MYO18A: variants seen among roughly 807,000 people sequenced by gnomAD.
The protein encoded by MYO18A is unconventional myosin-XVIIIa.
In MYO18A, 78 loss-of-function variants were observed where a neutral mutation model predicts 235.8. That is an observed-to-expected ratio of 0.33 (90% CI 0.28 to 0.40). The LOEUF is 0.40. MYO18A is among the 10% of genes least tolerant of loss of function. MYO18A has a pLI of 1.00. For synonymous variants in MYO18A, 977 were observed against 1,077.8 expected, an observed-to-expected ratio of 0.91 and a Z score of 1.83; for missense variants, 2,215 against 2,699.3, an observed-to-expected ratio of 0.82 and a Z score of 3.98.
chr17:29,119,523 T>G, intron 7 of MYO18A, 88 bp from the exon 8 acceptor site: 4 of 853,384 alleles, frequency 4.7e-6, no homozygotes, highest in Non-Finnish European at 7.1e-6. Context: ...AAACACATGG[T>G]CCTCTAGGCC....
At chr17:29,137,660 C>T (rs547533773) in intron 2 of MYO18A, among the ~76,000 whole-genome samples, 2 of 152,222 alleles carry the variant, frequency 1.3e-5, no homozygotes, top group East Asian at 3.9e-4. Context: ...GGAAAGAGCC[C>T]AAATGCCTAG....
chr17:29,113,739 T>C (rs766053283), intron 15 of MYO18A, among the ~76,000 whole-genome samples: 4 of 152,158 alleles, frequency 2.6e-5, no homozygotes, highest in Non-Finnish European at 4.4e-5. Flanking sequence ...AAAGGAGATA[T>C]GCTTTCCTGC....
At chr17:29,112,494 C>G (rs898786653) in intron 15 of MYO18A, among the ~76,000 whole-genome samples, 10 of 152,246 alleles carry the variant, frequency 6.6e-5, no homozygotes, top group African/African-American at 2.4e-4. Flanking sequence ...GGAAAAACCA[C>G]CACTGAGCTG....
chr17:29,177,733 A>C (rs2068564750), intron 1 of MYO18A, among the ~76,000 whole-genome samples: 1 of 152,146 alleles, frequency 6.6e-6, no homozygotes, highest in Non-Finnish European at 1.5e-5. Context: ...CCAAACCTTT[A>C]AACTACAACC....
rs2152812011 is a variant in MYO18A at position 29,107,221 on chromosome 17, A to C, written c.3332-32T>G. ...AGAGCAGCCCAGAGCCAGGCCTGTC[A>C]ACGCCACCTGCTCCCAGCACACCCC... On this transcript the variant is annotated intron_variant, in intron 19 of 41. Coordinates refer to ENST00000527372, the MANE Select transcript of MYO18A (RefSeq NM_078471.4). The C allele has an allele frequency of 3.1e-6, 5 of 1,601,716 alleles. No individual in the cohort carries two copies. The East Asian group carries it at 1.1e-4, about 36-fold the overall frequency.
intron 2 of MYO18A, among the ~76,000 whole-genome samples, chr17:29,151,027 G>A (rs927065908): frequency 4.6e-5 from 7 of 152,168 alleles, no homozygotes; most frequent in Non-Finnish European, 1.0e-4. Context: ...TGCTGTGGTT[G>A]CAAAGGTGTT....
rs962461405 is a variant in MYO18A, at chr17:29,118,710, G to A, written c.1830-270C>T. Among the ~76,000 whole-genome samples, 4 of 152,260 alleles carry A rather than the reference G, an allele frequency of 2.6e-5. No homozygotes were observed. Among genetic ancestry groups the A allele is most frequent in the Non-Finnish European group, 4.4e-5 (3 of 68,048 alleles). On this transcript the variant is annotated intron_variant, in intron 8 of 41. Transcript: ENST00000527372. The surrounding 1 kb of genome is among the most constrained non-coding windows in gnomAD (Gnocchi z 4.2). ...CCGGAAGGGAGCAGGGAACCTGCCCGAAGGGTGAGTCCCGCCAAGGCAGAG... is the reference window on the plus strand; with the variant it reads ...CCGGAAGGGAGCAGGGAACCTGCCCAAAGGGTGAGTCCCGCCAAGGCAGAG...
intron 33 of MYO18A, 69 bp from the exon 34 acceptor site, chr17:29,092,525 G>T: frequency 7.7e-7 from 1 of 1,296,368 alleles, no homozygotes; most frequent in Non-Finnish European, 1.1e-6. Flanking sequence ...GGGCTGTACA[G>T]GAAAGAGGGA....
At chr17:29,175,322 G>T (rs1311414860) in intron 1 of MYO18A, among the ~76,000 whole-genome samples, 1 of 151,606 alleles carries the variant, frequency 6.6e-6, no homozygotes, top group Non-Finnish European at 1.5e-5. Context: ...GGAGCTTCAG[G>T]GAGTGGAATT....
chr17:29,171,483 T>G (rs978159925), intron 1 of MYO18A, among the ~76,000 whole-genome samples: 1 of 151,720 alleles, frequency 6.6e-6, no homozygotes, highest in African/African-American at 2.4e-5. Context: ...AAATATCCAC[T>G]CAAAAGAAAA....
chr17:29,116,009 T>C (rs1008479104), intron 11 of MYO18A, among the ~76,000 whole-genome samples, 169 bp from the exon 12 acceptor site: 1 of 152,218 alleles, frequency 6.6e-6, no homozygotes, highest in Non-Finnish European at 1.5e-5. Flanking sequence ...CAGCATTTCC[T>C]GTGTCCCGTG....
chr17:29,154,186 C>G (rs1780405882), intron 2 of MYO18A, among the ~76,000 whole-genome samples: 1 of 151,884 alleles, frequency 6.6e-6, no homozygotes, highest in Non-Finnish European at 1.5e-5. Context: ...GCCACAGAAC[C>G]CAGTTCTGTG....
intron 2 of MYO18A, among the ~76,000 whole-genome samples, chr17:29,157,445 G>A (rs1213564234): frequency 6.6e-6 from 1 of 152,220 alleles, no homozygotes; most frequent in Admixed American, 6.5e-5. Flanking sequence ...CAGAAGGTCT[G>A]AGCTAGGCAG....
At chr17:29,114,327 C>T (rs2049181511) in intron 14 of MYO18A, 5 of 523,030 alleles carry the variant, frequency 9.6e-6, no homozygotes, top group South Asian at 6.8e-5. Context: ...GTCACATTCT[C>T]ATTACTCACA....
chr17:29,073,845 C>A lies in MYO18A; in HGVS notation c.*925G>T. 1 of 1,577,012 alleles carries A rather than the reference C, an allele frequency of 6.3e-7. No homozygotes were observed. The highest frequency in any genetic ancestry group is 8.7e-7 in the Non-Finnish European group (1 of 1,154,392). On this transcript the variant is annotated 3_prime_UTR_variant, in exon 42 of 42. Transcript: ENST00000527372. ...CTTCCATCTTCAGTTTTTCTGATCA[C>A]AAGTCCTCAACCCCAAGCCTTCCCT...
chr17:29,075,155 G>T, intron 41 of MYO18A: 1 of 457,676 alleles, frequency 2.2e-6, no homozygotes, highest in African/African-American at 1.9e-5. Flanking sequence ...TCGGACTCAA[G>T]CGTGCATAAG....
chr17:29,127,769 C>T, intron 2 of MYO18A: 1 of 846,938 alleles, frequency 1.2e-6, no homozygotes, highest in Non-Finnish European at 1.4e-6. Flanking sequence ...GCTGAGGTCG[C>T]TTGGGGAAGC....
chr17:29,166,510 C>T lies in MYO18A; in HGVS notation c.431G>A (p.Arg144His), dbSNP rs774799161. Residue 144 changes from arginine to histidine, a missense_variant, in exon 2 of 42, where the codon CGT becomes CAT. Transcript: ENST00000527372. ...MIVKRFSFSQ[R>H]SRDESASETS... is the part of the protein sequence containing the mutation. ...TTCTGAGGCGCTCTCATCCCGGCTA[C>T]GCTGGGAGAAGGAAAAGCGCTTGAC... 137 of 1,613,540 alleles carry T rather than the reference C, an allele frequency of 8.5e-5. No homozygotes were observed. The highest frequency in any genetic ancestry group is 3.3e-4 in the Middle Eastern group (2 of 6,084).
chr17:29,135,226 G>C (rs1335869216), intron 2 of MYO18A, among the ~76,000 whole-genome samples: 2 of 151,778 alleles, frequency 1.3e-5, no homozygotes, highest in African/African-American at 2.4e-5. Flanking sequence ...TCAGCCTCCC[G>C]AGTAGCTGGG....
Sources: allele counts gnomAD v4.1 joint callset (sites outside exome capture counted in the v4.1 genomes callset), GRCh38; gene constraint gnomAD v4.1.1; non-coding constraint Gnocchi (gnomAD v3.1); transcripts MANE v1.5; gene names NCBI Gene and HGNC (gene_info 2026-07-23, HGNC 2026-07-21).